The following CCDC141 variants were observed in gnomAD, a reference collection of about 807,000 sequenced individuals.
CCDC141 encodes the protein coiled-coil domain containing 141, also known as coiled-coil domain-containing protein 141.
CCDC141 carries 168 observed loss-of-function variants against 181.0 expected under a neutral mutation model. The observed-to-expected ratio is 0.93, with a 90% CI of 0.82 to 1.05. CCDC141 has a LOEUF of 1.05. Ranked by LOEUF, CCDC141 falls within the 50% of genes least tolerant of loss-of-function variation. The pLI, the probability that CCDC141 is intolerant of heterozygous loss-of-function variation, is 0.00. For synonymous variants in CCDC141, 666 were observed against 642.3 expected, an observed-to-expected ratio of 1.04 and a Z score of -0.56; for missense variants, 1,902 against 1,788.5, an observed-to-expected ratio of 1.06 and a Z score of -1.14.
chr2:178,903,504 G>C (rs1461511073), intron 8 of CCDC141, among the ~76,000 whole-genome samples: 1 of 149,406 alleles, frequency 6.7e-6, no homozygotes, highest in Non-Finnish European at 1.5e-5. Context: ...ACTATCGCAA[G>C]AACAAAAAAC....
Position 179,042,905 on chromosome 2 carries a change from C to CA in CCDC141, c.225+4378dup, listed in dbSNP as rs544152640. 1.8e-4 allele frequency among the ~76,000 whole-genome samples: 28 copies of CA among 151,876 alleles called. 2 individuals carry two copies. The South Asian group carries it at 3.7e-3, about 20-fold the overall frequency. The stretch of plus-strand genomic sequence containing the variant: ...AGAGATAGAGACACAAAAAAACCTT[C>CA]AAAAAAATCAATGAATCCTAAAAGC... On this transcript the variant is annotated intron_variant, in intron 2 of 23. Coordinates refer to ENST00000443758, the MANE Select transcript of CCDC141 (RefSeq NM_173648.4).
At chr2:178,972,262 C>T (rs1690924761) in intron 4 of CCDC141, among the ~76,000 whole-genome samples, 1 of 152,040 alleles carries the variant, frequency 6.6e-6, no homozygotes, top group African/African-American at 2.4e-5. Flanking sequence ...TTTTCTTCTC[C>T]TTAATGTCCC....
chr2:178,958,721 GT>G, intron 5 of CCDC141, among the ~76,000 whole-genome samples: 3 of 145,578 alleles, frequency 2.1e-5, no homozygotes, highest in East Asian at 4.1e-4. Context: ...CCTTTTTTTT[GT>G]TTTTTTTACT....
At chr2:178,879,647 T>C (rs1214354165) in intron 11 of CCDC141, among the ~76,000 whole-genome samples, 1 of 152,180 alleles carries the variant, frequency 6.6e-6, no homozygotes, top group Admixed American at 6.5e-5. Flanking sequence ...AATCAAATTA[T>C]TACAACACAA....
At chr2:178,998,318 T>A (rs1439322126) in intron 2 of CCDC141, among the ~76,000 whole-genome samples, 3 of 152,288 alleles carry the variant, frequency 2.0e-5, no homozygotes, top group East Asian at 3.9e-4. Flanking sequence ...TAATACCAAA[T>A]GGAAGCTGAA....
intron 7 of CCDC141, among the ~76,000 whole-genome samples, chr2:178,905,860 G>A (rs1687942718): frequency 6.6e-6 from 1 of 152,162 alleles, no homozygotes; most frequent in Non-Finnish European, 1.5e-5. Context: ...TAATAGATGA[G>A]TTATTTAAAA....
At chr2:179,036,244 C>G (rs1376058633) in intron 2 of CCDC141, among the ~76,000 whole-genome samples, 2 of 152,180 alleles carry the variant, frequency 1.3e-5, no homozygotes, top group South Asian at 2.1e-4. Context: ...TTTGGTAAAT[C>G]AACTCCCATC....
chr2:178,978,025 T>A (rs1456676450), intron 3 of CCDC141, among the ~76,000 whole-genome samples: 1 of 152,218 alleles, frequency 6.6e-6, no homozygotes, highest in Admixed American at 6.5e-5. Context: ...GCTATATTTA[T>A]GAATCAAATA....
intron 2 of CCDC141, among the ~76,000 whole-genome samples, chr2:178,990,977 C>A (rs1025095661): frequency 6.6e-6 from 1 of 152,074 alleles, no homozygotes; most frequent in Non-Finnish European, 1.5e-5. Flanking sequence ...GAAAACCACT[C>A]GGCACAAAAC....
intron 11 of CCDC141, among the ~76,000 whole-genome samples, chr2:178,881,913 TCTCACACACACACACACACACA>T (rs1190218717): frequency 3.6e-5 from 4 of 110,944 alleles, no homozygotes; most frequent in Admixed American, 1.1e-4. Context: ...TCTCTCTCTC[TCTCACACACACACACACACACA>T]CACACACACA....
chr2:178,962,499 C>T (rs1690449791), intron 4 of CCDC141, among the ~76,000 whole-genome samples: 1 of 152,220 alleles, frequency 6.6e-6, no homozygotes, highest in Non-Finnish European at 1.5e-5. Flanking sequence ...GCAGTCTTCT[C>T]TTAATTGTAT....
At chr2:178,850,857 C>T (rs1685133734) in intron 20 of CCDC141, among the ~76,000 whole-genome samples, 1 of 152,134 alleles carries the variant, frequency 6.6e-6, no homozygotes, top group African/African-American at 2.4e-5. Flanking sequence ...TCAATGTAAT[C>T]CTTGGATAGA....
intron 12 of CCDC141, chr2:178,876,936 T>A (rs184219032): frequency 2.8e-4 from 43 of 152,330 alleles, no homozygotes; most frequent in Admixed American, 2.6e-3. Flanking sequence ...AAAAATATTA[T>A]GAGAGTTTTG....
chr2:179,039,042 T>C (rs1203920520), intron 2 of CCDC141, among the ~76,000 whole-genome samples: 1 of 152,232 alleles, frequency 6.6e-6, no homozygotes, highest in African/African-American at 2.4e-5. Context: ...CTTCTTTACC[T>C]GGCTTAAATC....
In CCDC141 at chr2:178,884,922, TGCCA is replaced by T; in HGVS notation, c.1694_1697del (p.Val565AspfsTer3). The stretch of plus-strand genomic sequence containing the variant: ...ATACCTCCTCTGATGACTTCAGAAA[TGCCA>T]CGTAAGTTTGCAGGACTTGCGATCT... On this transcript the variant is annotated frameshift_variant, in exon 11 of 24. Transcript: ENST00000443758. LOFTEE classifies it high-confidence loss of function. 6.5e-7 allele frequency: 1 copy of T among 1,550,366 alleles called. No homozygotes were observed. Among genetic ancestry groups the T allele is most frequent in the South Asian group, 1.2e-5 (1 of 84,022 alleles).
At chr2:178,932,933 A>C (rs1364975669) in intron 6 of CCDC141, among the ~76,000 whole-genome samples, 2 of 152,092 alleles carry the variant, frequency 1.3e-5, no homozygotes, top group Non-Finnish European at 2.9e-5. Flanking sequence ...TTAACTTTAA[A>C]CTGAGCTCTT....
rs199994228 is a variant in CCDC141, at chr2:179,049,589, CT to C, written c.102+250del. 8.3e-3 allele frequency among the ~76,000 whole-genome samples: 1,121 copies of C among 135,450 alleles called. 6 individuals carry two copies. Among genetic ancestry groups the C allele is most frequent in the Admixed American group, 0.012 (162 of 13,604 alleles). The allele number at this position is 135,450 out of a possible 152,430, so 88.9% of individuals were successfully genotyped here. On this transcript the variant is annotated intron_variant, in intron 1 of 23. Transcript: ENST00000443758. ...TCTTTTCTTTATTTTTCTTTCTTTT[CT>C]TTTTTTTTTTTTTTTTAAATCAAGC...
At chr2:179,026,763 G>A (rs1016426379) in intron 2 of CCDC141, among the ~76,000 whole-genome samples, 6 of 152,234 alleles carry the variant, frequency 3.9e-5, no homozygotes, top group East Asian at 1.9e-4. Flanking sequence ...GCTGAACCCT[G>A]CAAAGCCACA....
At chr2:179,034,672 CA>C (rs2154387254) in intron 2 of CCDC141, among the ~76,000 whole-genome samples, 1 of 152,214 alleles carries the variant, frequency 6.6e-6, no homozygotes, top group African/African-American at 2.4e-5. Context: ...TGTGTCAGTC[CA>C]AAGTCTCAAC....
Sources: allele counts gnomAD v4.1 joint callset (sites outside exome capture counted in the v4.1 genomes callset), GRCh38; gene constraint gnomAD v4.1.1; transcripts MANE v1.5; gene names NCBI Gene and HGNC (gene_info 2026-07-23, HGNC 2026-07-21).